Variants in EPM2A observed in about 807,000 individuals in gnomAD.
The protein encoded by EPM2A is laforin.
In EPM2A, 21 loss-of-function variants were observed where a neutral mutation model predicts 26.5. The observed-to-expected ratio is 0.79, with a 90% CI of 0.56 to 1.14. The LOEUF is 1.14. EPM2A is among the 50% of genes most tolerant of loss of function. EPM2A has a pLI of 0.00. For missense variants in EPM2A, 458 were observed against 440.8 expected (o/e 1.04, Z -0.35); for synonymous variants, 217 against 177.6 (o/e 1.22, Z -1.76).
intron 4 of EPM2A, chr6:145,489,968 G>A: frequency 1.4e-6 from 2 of 1,385,318 alleles, no homozygotes; most frequent in South Asian, 1.2e-5. Flanking sequence ...ACACTCGTGT[G>A]AACAAAGTAC....
chr6:145,517,274 CA>C (rs1400029793), intron 2 of EPM2A, among the ~76,000 whole-genome samples: 2 of 152,178 alleles, frequency 1.3e-5, no homozygotes, highest in African/African-American at 4.8e-5. Context: ...TGTTATACAA[CA>C]TTGTGCTTAT....
chr6:145,510,614 G>A (rs1780042441), intron 2 of EPM2A, among the ~76,000 whole-genome samples: 1 of 152,112 alleles, frequency 6.6e-6, no homozygotes, highest in Non-Finnish European at 1.5e-5. Context: ...AATATTTATA[G>A]TGCTAAATGC....
intron 2 of EPM2A, among the ~76,000 whole-genome samples, chr6:145,676,453 C>CA (rs1238051351): frequency 2.6e-5 from 4 of 151,450 alleles, no homozygotes; most frequent in African/African-American, 4.9e-5. Context: ...GATAGAGACA[C>CA]AAAAAAACCC....
intron 1 of EPM2A, among the ~76,000 whole-genome samples, chr6:145,700,230 C>A (rs1781835123): frequency 6.6e-6 from 1 of 152,098 alleles, no homozygotes; most frequent in Non-Finnish European, 1.5e-5. Context: ...ATGTCACATG[C>A]AGAGATGTTT....
chr6:145,537,619 T>C (rs1780449788), intron 2 of EPM2A, among the ~76,000 whole-genome samples: 1 of 148,570 alleles, frequency 6.7e-6, no homozygotes, highest in Non-Finnish European at 1.5e-5. Flanking sequence ...AGTTCCAGGA[T>C]ACATGTGTAG....
chr6:145,663,193 A>G (rs1047209037), intron 2 of EPM2A, among the ~76,000 whole-genome samples: 2 of 152,206 alleles, frequency 1.3e-5, no homozygotes, highest in African/African-American at 4.8e-5. Flanking sequence ...AACATGTCCA[A>G]CTGGGGGGTA....
At chr6:145,647,051 T>A (rs1015883154) in intron 2 of EPM2A, among the ~76,000 whole-genome samples, 2 of 152,182 alleles carry the variant, frequency 1.3e-5, no homozygotes, top group Non-Finnish European at 2.9e-5. Context: ...GTGAATTATA[T>A]CAACAGCCTC....
At chr6:145,557,836 T>C (rs1478552189) in intron 2 of EPM2A, among the ~76,000 whole-genome samples, 1 of 152,064 alleles carries the variant, frequency 6.6e-6, no homozygotes, top group Non-Finnish European at 1.5e-5. Context: ...CTCTTGAACT[T>C]GTTCCTCCTA....
At chr6:145,565,802 G>C (rs1780877036) in intron 2 of EPM2A, among the ~76,000 whole-genome samples, 1 of 152,164 alleles carries the variant, frequency 6.6e-6, no homozygotes, top group Admixed American at 6.5e-5. Context: ...TGGAAGGTCA[G>C]AGCAGGTGAG....
At chr6:145,523,777 A>G (rs1477338558) in intron 2 of EPM2A, among the ~76,000 whole-genome samples, 1 of 152,122 alleles carries the variant, frequency 6.6e-6, no homozygotes, top group East Asian at 1.9e-4. Flanking sequence ...TTTTTTCATA[A>G]TTTCAACATT....
At chr6:145,560,752 G>A (rs577700825) in intron 2 of EPM2A, among the ~76,000 whole-genome samples, 1 of 152,186 alleles carries the variant, frequency 6.6e-6, no homozygotes, top group African/African-American at 2.4e-5. Flanking sequence ...ATGAATAAAG[G>A]GATGTCAGGT....
intron 4 of EPM2A, among the ~76,000 whole-genome samples, chr6:145,392,345 C>A (rs927215303): frequency 6.6e-6 from 1 of 152,088 alleles, no homozygotes; most frequent in Admixed American, 6.6e-5. Flanking sequence ...GAAACTTGAC[C>A]AGTATATTTA....
chr6:145,533,697 A>G (rs1780393243), intron 2 of EPM2A, among the ~76,000 whole-genome samples: 2 of 152,104 alleles, frequency 1.3e-5, no homozygotes, highest in Non-Finnish European at 2.9e-5. Flanking sequence ...TGTTAGTTCA[A>G]ATGTCTCCTC....
At chr6:145,518,178 A>C (rs951892839) in intron 2 of EPM2A, among the ~76,000 whole-genome samples, 1 of 152,186 alleles carries the variant, frequency 6.6e-6, no homozygotes, top group African/African-American at 2.4e-5. Context: ...CATATAATGA[A>C]CCATACATCA....
intron 4 of EPM2A, among the ~76,000 whole-genome samples, chr6:145,453,593 T>A (rs1418165852): frequency 1.3e-5 from 2 of 152,220 alleles, no homozygotes; most frequent in Admixed American, 1.3e-4. Context: ...AAGATTAGAT[T>A]AAGGAGAGTA....
chr6:145,549,370 CA>C (rs752176248), intron 2 of EPM2A, among the ~76,000 whole-genome samples: 2 of 151,900 alleles, frequency 1.3e-5, no homozygotes, highest in Non-Finnish European at 2.9e-5. Flanking sequence ...AATTAGAAAC[CA>C]AAAATTGTTT....
intron 2 of EPM2A, among the ~76,000 whole-genome samples, chr6:145,619,116 T>C (rs918899923): frequency 6.6e-6 from 1 of 151,904 alleles, no homozygotes; most frequent in Non-Finnish European, 1.5e-5. Flanking sequence ...TAGGGGAAGA[T>C]GTTGCCAGTG....
At chr6:145,713,262 G>A (rs368724599) in intron 1 of EPM2A, among the ~76,000 whole-genome samples, 1 of 152,252 alleles carries the variant, frequency 6.6e-6, no homozygotes, top group East Asian at 1.9e-4. Flanking sequence ...TTATTTTGTG[G>A]TTTCCTATAG....
At chr6:145,658,671 C>T (rs974837575) in intron 2 of EPM2A, among the ~76,000 whole-genome samples, 1 of 151,950 alleles carries the variant, frequency 6.6e-6, no homozygotes, top group African/African-American at 2.4e-5. Flanking sequence ...GGCTATTTCA[C>T]AAATCAAAAT....
Sources: allele counts gnomAD v4.1 joint callset (sites outside exome capture counted in the v4.1 genomes callset), GRCh38; gene constraint gnomAD v4.1.1; transcripts MANE v1.5; gene names NCBI Gene and HGNC (gene_info 2026-07-23, HGNC 2026-07-21).